Variants in SLCO1B3 observed in about 807,000 individuals in gnomAD.
SLCO1B3 encodes the protein solute carrier organic anion transporter family member 1B3, also known as liver-specific organic anion transporter 2.
SLCO1B3 carries 72 observed loss-of-function variants against 71.8 expected under a neutral mutation model. That is an observed-to-expected ratio of 1.00 (90% CI 0.83 to 1.22). The LOEUF (loss-of-function observed/expected upper bound fraction) is 1.22. SLCO1B3 is among the 50% of genes most tolerant of loss of function. The pLI is 0.00. For synonymous variants in SLCO1B3, 298 were observed against 278.4 expected, an observed-to-expected ratio of 1.07 and a Z score of -0.70; for missense variants, 911 against 819.7, an observed-to-expected ratio of 1.11 and a Z score of -1.36.
At chr12:20,866,421 A>G (rs1342281907) in intron 8 of SLCO1B3, among the ~76,000 whole-genome samples, 3 of 151,618 alleles carry the variant, frequency 2.0e-5, no homozygotes, top group Non-Finnish European at 2.9e-5. Context: ...TTTTATGTAG[A>G]TGCAAGATTG....
chr12:20,880,587 T>G (rs1371961626), intron 11 of SLCO1B3, among the ~76,000 whole-genome samples: 1 of 152,068 alleles, frequency 6.6e-6, no homozygotes, highest in Non-Finnish European at 1.5e-5. Context: ...TCTTTTTTAA[T>G]TTTTACTTTT....
chr12:20,910,729 A>G (rs1866355679), intron 15 of SLCO1B3, among the ~76,000 whole-genome samples: 1 of 152,116 alleles, frequency 6.6e-6, no homozygotes, highest in African/African-American at 2.4e-5. Flanking sequence ...CGTAAATAGT[A>G]ATGTATTTTT....
intron 9 of SLCO1B3, among the ~76,000 whole-genome samples, chr12:20,876,491 T>G (rs563102337): frequency 2.0e-5 from 3 of 152,242 alleles, no homozygotes; most frequent in Admixed American, 1.3e-4. Context: ...ACTTACCTTT[T>G]TTTTTGTTGT....
In SLCO1B3 at chr12:20,880,961, A is replaced by G; in HGVS notation, c.1438A>G (p.Thr480Ala). The G allele has an allele frequency of 1.2e-6, 2 of 1,612,740 alleles. No individual in the cohort carries two copies. The highest frequency in any genetic ancestry group is 1.7e-6 in the Non-Finnish European group (2 of 1,178,916). Residue 480 changes from threonine (T) to alanine (A), a missense_variant, in exon 12 of 16, where the codon ACT becomes GCT. By Grantham distance (58) the Thr-to-Ala change is moderately conservative. Coordinates refer to ENST00000381545, the MANE Select transcript of SLCO1B3 (RefSeq NM_019844.4). ...ACCAGTCTGTGGGAACAATGGAATA[A>G]CTTACCTGTCACCTTGTCTAGCAGG... ...WEPVCGNNGITYLSPCLAGCK... is the reference protein window; with the variant it reads ...WEPVCGNNGIAYLSPCLAGCK...
intron 3 of SLCO1B3, among the ~76,000 whole-genome samples, chr12:20,848,737 A>G (rs1377299687): frequency 6.6e-6 from 1 of 152,168 alleles, no homozygotes; most frequent in Non-Finnish European, 1.5e-5. Context: ...AAATCTTAAA[A>G]TGTTATATAT....
At chr12:20,833,693 G>C (rs1256058594) in intron 3 of SLCO1B3, among the ~76,000 whole-genome samples, 4 of 147,752 alleles carry the variant, frequency 2.7e-5, no homozygotes, top group Non-Finnish European at 6.0e-5. Context: ...GGTATAGAGA[G>C]AGATGATAAA....
intron 15 of SLCO1B3, 66 bp from the exon 16 acceptor site, chr12:20,915,938 G>GA (rs1433636973): frequency 5.4e-5 from 70 of 1,307,470 alleles, no homozygotes; most frequent in Non-Finnish European, 6.5e-5. Context: ...ATACTGGGGA[G>GA]AAAAAAATGT....
chr12:20,904,981 C>T (rs1591791709), intron 15 of SLCO1B3, among the ~76,000 whole-genome samples: 1 of 151,818 alleles, frequency 6.6e-6, no homozygotes, highest in African/African-American at 2.4e-5. Context: ...GCCATGTTGG[C>T]CAGGCTGGTC....
At chr12:20,843,512 G>T (rs1235773413) in intron 3 of SLCO1B3, among the ~76,000 whole-genome samples, 1 of 151,984 alleles carries the variant, frequency 6.6e-6, no homozygotes, top group African/African-American at 2.4e-5. Context: ...TCATCCACGG[G>T]GCTCATGCCT....
intron 13 of SLCO1B3, among the ~76,000 whole-genome samples, chr12:20,885,310 G>A (rs1865772640): frequency 6.6e-6 from 1 of 152,120 alleles, no homozygotes; most frequent in South Asian, 2.1e-4. Flanking sequence ...CTCAGCAGGA[G>A]TGTAGACATT....
chr12:20,815,887 C>T, intron 3 of SLCO1B3, 65 bp downstream of exon 3: 1 of 952,572 alleles, frequency 1.0e-6, no homozygotes, highest in East Asian at 2.6e-5. Context: ...TATAGAAAGG[C>T]CACTAACTGT....
intron 13 of SLCO1B3, among the ~76,000 whole-genome samples, chr12:20,894,470 CTT>C (rs1252381900): frequency 6.6e-6 from 1 of 152,122 alleles, no homozygotes; most frequent in Admixed American, 6.5e-5. Flanking sequence ...CAGGCCAGCT[CTT>C]AGGAAAATAT....
intron 3 of SLCO1B3, among the ~76,000 whole-genome samples, chr12:20,854,456 T>C (rs1462336844): frequency 6.6e-6 from 1 of 152,200 alleles, no homozygotes; most frequent in Non-Finnish European, 1.5e-5. Context: ...TAATGTCCTT[T>C]GTCTCCTGAG....
chr12:20,884,818 G>T (rs1591780677), intron 13 of SLCO1B3, among the ~76,000 whole-genome samples: 1 of 150,286 alleles, frequency 6.7e-6, no homozygotes, highest in Non-Finnish European at 1.5e-5. Flanking sequence ...TTGTTAATAT[G>T]AATATAAACC....
At chr12:20,874,988 C>T (rs2121291442) in intron 8 of SLCO1B3, among the ~76,000 whole-genome samples, 1 of 152,258 alleles carries the variant, frequency 6.6e-6, no homozygotes, top group Admixed American at 6.5e-5. Flanking sequence ...CCACCAAGTG[C>T]ACACAAGATC....
At chr12:20,843,800 A>G (rs1385224006) in intron 3 of SLCO1B3, among the ~76,000 whole-genome samples, 4 of 151,344 alleles carry the variant, frequency 2.6e-5, no homozygotes, top group Non-Finnish European at 5.9e-5. Context: ...AAAAAGTACT[A>G]TTAATCTTTT....
At chr12:20,854,876 T>A in intron 3 of SLCO1B3, 152 bp from the exon 4 acceptor site, 1 of 676,138 alleles carries the variant, frequency 1.5e-6, no homozygotes, top group Non-Finnish European at 2.5e-6. Flanking sequence ...ATTATAGGGC[T>A]GAGAAGTTTC....
chr12:20,842,164 G>A (rs1422611745), intron 3 of SLCO1B3, among the ~76,000 whole-genome samples: 1 of 152,122 alleles, frequency 6.6e-6, no homozygotes, highest in Non-Finnish European at 1.5e-5. Flanking sequence ...AAAGTGCTGG[G>A]ATTACAGGCA....
intron 8 of SLCO1B3, among the ~76,000 whole-genome samples, chr12:20,867,397 A>G (rs1865393073): frequency 6.6e-6 from 1 of 152,088 alleles, no homozygotes; most frequent in Non-Finnish European, 1.5e-5. Flanking sequence ...ATTCATAACC[A>G]TTCAAGAAAA....
Sources: gnomAD v4.1 joint callset for allele counts (sites outside exome capture counted in the v4.1 genomes callset) on GRCh38, gnomAD v4.1.1 for gene constraint, MANE v1.5 for transcripts, NCBI Gene and HGNC (gene_info 2026-07-23, HGNC 2026-07-21) for gene names.